Variants in ATP6V0A4 observed in about 807,000 individuals in gnomAD.
ATP6V0A4 encodes ATPase H+ transporting V0 subunit a4.
Under a neutral mutation model 107.3 loss-of-function variants are expected in ATP6V0A4, and 86 were observed. That is an observed-to-expected ratio of 0.80 (90% CI 0.67 to 0.96). ATP6V0A4 has a LOEUF of 0.96. Ranked by LOEUF, ATP6V0A4 falls within the 40% of genes least tolerant of loss-of-function variation. The pLI is 0.00. For synonymous variants in ATP6V0A4, 353 were observed against 381.4 expected, an observed-to-expected ratio of 0.93 and a Z score of 0.87; for missense variants, 908 against 1,045.6, an observed-to-expected ratio of 0.87 and a Z score of 1.81.
rs141041539 is a variant in ATP6V0A4 at position 138,762,378 on chromosome 7, C to A, written c.474G>T (p.Glu158Asp). The A allele has an allele frequency of 4.7e-5, 76 of 1,614,088 alleles. No individual in the cohort carries two copies. The highest frequency in any genetic ancestry group is 6.3e-5 in the Non-Finnish European group (74 of 1,180,046). ...TCATATATGCAGGCACTGCTTTCAACTCCAGGAGGCCAGAAGTGTCCTCAG... is the reference window on the plus strand; with the variant it reads ...TCATATATGCAGGCACTGCTTTCAAATCCAGGAGGCCAGAAGTGTCCTCAG... ...FFTEDTSGLLELKAVPAYMTG... is the reference protein window; with the variant it reads ...FFTEDTSGLLDLKAVPAYMTG... Residue 158 changes from glutamate (E) to aspartate (D), a missense_variant, in exon 7 of 22, where the codon GAG (glutamate) becomes GAT (aspartate). Physicochemically the swap from Glu to Asp is conservative, Grantham distance 45 (BLOSUM62 2). Coordinates refer to ENST00000310018, the MANE Select transcript of ATP6V0A4 (RefSeq NM_020632.3).
At chr7:138,788,109 A>G (rs1808249720) in intron 1 of ATP6V0A4, among the ~76,000 whole-genome samples, 1 of 152,222 alleles carries the variant, frequency 6.6e-6, no homozygotes, top group Non-Finnish European at 1.5e-5. Flanking sequence ...GGTCCAAACA[A>G]TCATTGACTT....
rs546256659 is a variant in ATP6V0A4, at chr7:138,725,720, C to G, written c.2010+3041G>C. 1.3e-4 allele frequency among the ~76,000 whole-genome samples: 20 copies of G among 152,178 alleles called. No homozygotes were observed. In the East Asian group the frequency reaches 3.5e-3, roughly 27 times the overall value. On this transcript the variant is annotated intron_variant, in intron 18 of 21. Transcript: ENST00000310018. Reference sequence around the variant, plus strand: ...TAGAGACAGGGTTTCACCATGTTGGCCAGGCTGGTCTCGAACTCCTGACCT... The same window carrying G: ...TAGAGACAGGGTTTCACCATGTTGGGCAGGCTGGTCTCGAACTCCTGACCT...
intron 15 of ATP6V0A4, among the ~76,000 whole-genome samples, chr7:138,734,709 T>C (rs552073185): frequency 1.4e-5 from 2 of 138,014 alleles, no homozygotes; most frequent in East Asian, 2.2e-4. Context: ...ACCTGGAAGG[T>C]GGAGGTTGCA....
rs34143397 is a variant in ATP6V0A4 at position 138,713,938 on chromosome 7, C to CAA, written c.2257+1824_2257+1825dup. 7.6e-3 allele frequency among the ~76,000 whole-genome samples: 1,033 copies of CAA among 135,866 alleles called. 9 individuals are homozygous for CAA. Among genetic ancestry groups the CAA allele is most frequent in the Non-Finnish European group, 9.8e-3 (615 of 62,730 alleles). The allele number at this position is 135,866 out of a possible 152,430, so 89.1% of individuals were successfully genotyped here. On this transcript the variant is annotated intron_variant, in intron 20 of 21. Transcript: ENST00000310018. ...CAACATGGCAAAACCCTGTCTCTAC[C>CAA]AAAAAAAAAAAAAAGTTCGCCAAGT...
At chr7:138,716,566 ATTT>A (rs35748444) in intron 19 of ATP6V0A4, among the ~76,000 whole-genome samples, 1 of 126,650 alleles carries the variant, frequency 7.9e-6, no homozygotes, top group African/African-American at 2.8e-5. Flanking sequence ...GTGACAGACA[ATTT>A]TTTTTTGGGG....
chr7:138,728,943 G>T, intron 17 of ATP6V0A4, 81 bp from the exon 18 acceptor site: 1 of 1,609,148 alleles, frequency 6.2e-7, no homozygotes, highest in Non-Finnish European at 8.5e-7. Context: ...GACCACTATG[G>T]GCCACTTCAC....
At position 138,792,766 on chromosome 7, in the gene ATP6V0A4, G is replaced by GTTTTTTTT. The variant is rs1202969668; in HGVS notation, c.-121+5260_-121+5267dup. On this transcript the variant is annotated intron_variant, in intron 1 of 21. Coordinates refer to ENST00000310018, the MANE Select transcript of ATP6V0A4 (RefSeq NM_020632.3). ...GGCTTGCATCACCAAACTCAGGTTT[G>GTTTTTTTT]TTTTTTTTTTTGTTGTTTTGTTTTT... 2.5e-4 allele frequency among the ~76,000 whole-genome samples: 17 copies of GTTTTTTTT among 68,678 alleles called. 3 individuals are homozygous for GTTTTTTTT. The highest frequency in any genetic ancestry group is 1.0e-3 in the South Asian group (2 of 2,002). 45.1% of individuals were successfully genotyped at this position (68,678 alleles called of 152,430 possible).
intron 12 of ATP6V0A4, among the ~76,000 whole-genome samples, 155 bp downstream of exon 12, chr7:138,749,012 C>T (rs1298002194): frequency 1.3e-5 from 2 of 152,146 alleles, no homozygotes; most frequent in Non-Finnish European, 2.9e-5. Flanking sequence ...ACTACTTGCC[C>T]CTACTATCCT....
chr7:138,729,857 C>CA (rs1804900580), intron 17 of ATP6V0A4, among the ~76,000 whole-genome samples: 1 of 152,174 alleles, frequency 6.6e-6, no homozygotes, highest in Non-Finnish European at 1.5e-5. Context: ...ATAGAGTGAA[C>CA]ACTTTATCGG....
At position 138,734,138 on chromosome 7, in the gene ATP6V0A4, G is replaced by T. The variant is rs760603032; in HGVS notation, c.1689C>A (p.His563Gln). Residue 563 changes from histidine to glutamine, a missense_variant and splice_region_variant, in exon 16 of 22, where the codon CAC becomes CAA. Physicochemically the swap from His to Gln is conservative, Grantham distance 24. Transcript: ENST00000310018. ...VFGVILSLFN[H>Q]IYFRRTLNII... ...AGAGAGTGCATCAAGAAACTTACAT[G>T]TGATTGAAAAGGCTGAGGATGACAC... 26 of 1,610,244 alleles carry T rather than the reference G, an allele frequency of 1.6e-5. No homozygotes were observed. The highest frequency in any genetic ancestry group is 2.1e-5 in the Non-Finnish European group (25 of 1,176,744).
rs541933668 is a variant in ATP6V0A4, at chr7:138,784,775, T to C, written c.-18+1383A>G. 1.1e-4 allele frequency among the ~76,000 whole-genome samples: 17 copies of C among 152,330 alleles called. No individual in the cohort carries two copies. The South Asian group carries it at 3.3e-3, about 30-fold the overall frequency. On this transcript the variant is annotated intron_variant, in intron 2 of 21. Coordinates refer to ENST00000310018, the MANE Select transcript of ATP6V0A4 (RefSeq NM_020632.3). Reference sequence around the variant, plus strand: ...AACATTGCTTTTGACATTTGGTGTTTCAGGCCACTGTTCCCATTCTTTAGA... The same window carrying C: ...AACATTGCTTTTGACATTTGGTGTTCCAGGCCACTGTTCCCATTCTTTAGA...
At chr7:138,781,378 T>A (rs1807912536) in intron 2 of ATP6V0A4, among the ~76,000 whole-genome samples, 1 of 152,160 alleles carries the variant, frequency 6.6e-6, no homozygotes, top group South Asian at 2.1e-4. Flanking sequence ...TCACCAAGGC[T>A]GGAGTGCAGT....
At chr7:138,733,759 G>C (rs13246294) in intron 16 of ATP6V0A4, among the ~76,000 whole-genome samples, 5,718 of 151,954 alleles carry the variant, frequency 0.038, 289 homozygotes, top group East Asian at 0.12. Context: ...TGTATTTTTA[G>C]TAGAGATGGG....
chr7:138,734,942 C>T (rs933948630), intron 15 of ATP6V0A4, among the ~76,000 whole-genome samples: 2 of 152,072 alleles, frequency 1.3e-5, no homozygotes, highest in African/African-American at 2.4e-5. Flanking sequence ...TGTAGTGCTT[C>T]GCATTACAAA....
At chr7:138,761,689 T>C (rs1806827484) in intron 7 of ATP6V0A4, among the ~76,000 whole-genome samples, 1 of 152,062 alleles carries the variant, frequency 6.6e-6, no homozygotes, top group African/African-American at 2.4e-5. Flanking sequence ...TATTTTATTT[T>C]ATTTTCTTGA....
chr7:138,759,803 G>A lies in ATP6V0A4; in HGVS notation c.588C>T (p.Asn196=), dbSNP rs144172463. ...CCATCTCACTGAACTTCAAGTACAC[G>A]TTTCCTCGGCAGATTCGCCACAGTA... ...ERLLWRICRG[N]VYLKFSEMDA... Residue 196 remains asparagine (N), a synonymous_variant, in exon 8 of 22, where the codon AAC becomes AAT. Transcript: ENST00000310018. The A allele has an allele frequency of 6.1e-4, 987 of 1,614,020 alleles. 1 individual carries two copies. Among genetic ancestry groups the A allele is most frequent in the Non-Finnish European group, 5.7e-4 (674 of 1,180,038 alleles).
rs1200881946 is a variant in ATP6V0A4 at position 138,722,035 on chromosome 7, AG to A, written c.2011-11del. 3.1e-6 allele frequency: 5 copies of A among 1,614,120 alleles called. No individual in the cohort carries two copies. Among genetic ancestry groups the A allele is most frequent in the Non-Finnish European group, 4.2e-6 (5 of 1,180,008 alleles). The stretch of plus-strand genomic sequence containing the variant: ...TCCTGGATGCCTGCAGCTGACAACA[AG>A]CAGGGAAATGAGGAATGCGCTCAAC... On this transcript the variant is annotated splice_polypyrimidine_tract_variant and intron_variant, in intron 18 of 21. Transcript: ENST00000310018.
chr7:138,745,328 A>C, intron 13 of ATP6V0A4, 48 bp from the exon 14 acceptor site: 1 of 1,612,144 alleles, frequency 6.2e-7, no homozygotes, highest in Admixed American at 1.7e-5. Flanking sequence ...GCTCTGAAGC[A>C]GACCCCAGAG....
chr7:138,712,208 TA>T (rs1490589002), intron 20 of ATP6V0A4, among the ~76,000 whole-genome samples: 2 of 151,672 alleles, frequency 1.3e-5, no homozygotes, highest in African/African-American at 4.9e-5. Flanking sequence ...GTGCTGGGAT[TA>T]TAGGTGTGAG....
Sources: allele counts gnomAD v4.1 joint callset (sites outside exome capture counted in the v4.1 genomes callset), GRCh38; gene constraint gnomAD v4.1.1; transcripts MANE v1.5; gene names NCBI Gene and HGNC (gene_info 2026-07-23, HGNC 2026-07-21).